Variants in GKAP1 observed in about 807,000 individuals in gnomAD.
GKAP1 encodes G kinase anchoring protein 1, also known as G kinase-anchoring protein 1.
Under a neutral mutation model 56.7 loss-of-function variants are expected in GKAP1, and 31 were observed. That is an observed-to-expected ratio of 0.55 (90% CI 0.41 to 0.74). The LOEUF (loss-of-function observed/expected upper bound fraction) is 0.74. Among genes scored for constraint, GKAP1 ranks in the 30% least tolerant of loss-of-function variants. The probability of loss-of-function intolerance (pLI) is 0.00; values close to 1 mark genes in which losing one functional copy is unlikely to be tolerated. For missense variants in GKAP1, 364 were observed against 402.3 expected (o/e 0.90, Z 0.82); for synonymous variants, 151 against 138.6 (o/e 1.09, Z -0.63).
intron 8 of GKAP1, among the ~76,000 whole-genome samples, chr9:83,756,644 T>C (rs1460965018): frequency 6.6e-6 from 1 of 152,142 alleles, no homozygotes; most frequent in Non-Finnish European, 1.5e-5. Context: ...AGTAGTTTTC[T>C]CTAGGTGAAT....
rs1409464197 is a variant in GKAP1 at position 83,804,832 on chromosome 9, TC to T, written c.216+1469del. Among the ~76,000 whole-genome samples, 5 of 83,490 alleles carry T rather than the reference TC, an allele frequency of 6.0e-5. 1 individual carries two copies. Among genetic ancestry groups the T allele is most frequent in the Non-Finnish European group, 1.1e-4 (5 of 45,726 alleles). 54.8% of individuals were successfully genotyped at this position (83,490 alleles called of 152,430 possible). On this transcript the variant is annotated intron_variant, in intron 3 of 12. Transcript: ENST00000376371. ...CCCCTCTGCCTGGTCAGCCGCCCCG[TC>T]CGGGAGGGAGGTGGGGGGTCAGCCC...
chr9:83,791,903 G>T (rs1429180312), intron 4 of GKAP1, among the ~76,000 whole-genome samples: 1 of 152,142 alleles, frequency 6.6e-6, no homozygotes, highest in Non-Finnish European at 1.5e-5. Flanking sequence ...GGCAGAAATA[G>T]AACTGCAGGA....
intron 3 of GKAP1, among the ~76,000 whole-genome samples, chr9:83,804,530 G>C (rs868215239): frequency 2.8e-5 from 2 of 71,588 alleles, no homozygotes; most frequent in East Asian, 4.5e-4. Context: ...AGGTGGGGGG[G>C]TCAGCCCCCC....
intron 6 of GKAP1, 92 bp downstream of exon 6, chr9:83,784,623 T>C: frequency 1.1e-6 from 1 of 936,612 alleles, no homozygotes; most frequent in Non-Finnish European, 1.5e-6. Context: ...AACTTTTACT[T>C]ATTGTTTAAA....
chr9:83,803,665 C>T (rs577385809), intron 3 of GKAP1, among the ~76,000 whole-genome samples: 7 of 151,912 alleles, frequency 4.6e-5, no homozygotes, highest in African/African-American at 1.2e-4. Flanking sequence ...AGCCTCTGCC[C>T]GGCCGCCACC....
At chr9:83,794,622 A>C (rs2131306033) in intron 4 of GKAP1, among the ~76,000 whole-genome samples, 1 of 152,360 alleles carries the variant, frequency 6.6e-6, no homozygotes, top group South Asian at 2.1e-4. Flanking sequence ...GAATCAATAC[A>C]GTAACAGAAG....
chr9:83,758,515 T>G (rs1367390417), intron 8 of GKAP1, among the ~76,000 whole-genome samples: 1 of 152,242 alleles, frequency 6.6e-6, no homozygotes, highest in Non-Finnish European at 1.5e-5. Context: ...GGCAGATCAC[T>G]TGAGGTCAGG....
At chr9:83,745,451 T>C (rs998407310) in intron 10 of GKAP1, among the ~76,000 whole-genome samples, 7 of 152,232 alleles carry the variant, frequency 4.6e-5, no homozygotes, top group African/African-American at 1.4e-4. Flanking sequence ...AATGATCCTA[T>C]ATAAAATTCT....
At chr9:83,786,922 G>A (rs1218727184) in intron 5 of GKAP1, among the ~76,000 whole-genome samples, 4 of 152,144 alleles carry the variant, frequency 2.6e-5, no homozygotes, top group Non-Finnish European at 5.9e-5. Context: ...CTAACAGCAA[G>A]AAGTCACCTT....
intron 8 of GKAP1, among the ~76,000 whole-genome samples, chr9:83,766,444 C>T (rs1163402710): frequency 1.3e-5 from 2 of 152,128 alleles, no homozygotes; most frequent in African/African-American, 4.8e-5. Flanking sequence ...CTCACGAGTA[C>T]GTCAGGGTAG....
At chr9:83,760,258 A>G (rs967423245) in intron 8 of GKAP1, among the ~76,000 whole-genome samples, 5 of 152,330 alleles carry the variant, frequency 3.3e-5, no homozygotes, top group East Asian at 1.9e-4. Context: ...GACAAGAACT[A>G]TAAGAAACAA....
chr9:83,767,705 T>C (rs1943687991), intron 8 of GKAP1, among the ~76,000 whole-genome samples: 1 of 152,152 alleles, frequency 6.6e-6, no homozygotes, highest in Non-Finnish European at 1.5e-5. Context: ...TATTTAATTT[T>C]GAAACACAGT....
intron 8 of GKAP1, among the ~76,000 whole-genome samples, chr9:83,764,410 T>C (rs1047832765): frequency 2.0e-5 from 3 of 152,192 alleles, no homozygotes; most frequent in Non-Finnish European, 2.9e-5. Flanking sequence ...TCCTGAGGCC[T>C]CGCTAGCCAT....
chr9:83,804,209 G>A (rs1169204356), intron 3 of GKAP1, among the ~76,000 whole-genome samples: 1 of 146,472 alleles, frequency 6.8e-6, no homozygotes, highest in Non-Finnish European at 1.5e-5. Flanking sequence ...GAAGTGAGGA[G>A]CCCCTCTGCC....
In GKAP1 at chr9:83,806,464, C is replaced by A. The variant is rs1395876113; in HGVS notation, c.54G>T (p.Leu18=). The A allele has an allele frequency of 1.9e-6, 3 of 1,613,986 alleles. No individual in the cohort carries two copies. Among genetic ancestry groups the A allele is most frequent in the Non-Finnish European group, 8.5e-7 (1 of 1,180,012 alleles). The change falls in exon 3 of 13, where the codon CTG becomes CTT. Residue 18 remains leucine, a synonymous_variant. Coordinates refer to ENST00000376371, the MANE Select transcript of GKAP1 (RefSeq NM_025211.4). ...SVPTTASRFA[L]LQVDSGSGSD... Reference sequence around the variant, plus strand: ...AGCCACTGCCACTATCCACTTGTAACAGGGCAAAACGAGAAGCGGTGGTGG... The same window carrying A: ...AGCCACTGCCACTATCCACTTGTAAAAGGGCAAAACGAGAAGCGGTGGTGG...
At position 83,793,090 on chromosome 9, in the gene GKAP1, A is replaced by G. The variant is rs575158141; in HGVS notation, c.361-4412T>C. On this transcript the variant is annotated intron_variant, in intron 4 of 12. Transcript: ENST00000376371. Reference sequence around the variant, plus strand: ...ATCAGTTAAAGAGTATGAAGAACCAATGAAAAACCTAAAGGACAGTAAATA... The same window carrying G: ...ATCAGTTAAAGAGTATGAAGAACCAGTGAAAAACCTAAAGGACAGTAAATA... The G allele has an allele frequency of 1.8e-4, 125 of 679,042 alleles. 1 individual carries two copies. In the South Asian group the frequency reaches 2.1e-3, roughly 12 times the overall value. 42.1% of individuals were successfully genotyped at this position (679,042 alleles called of 1,614,324 possible).
intron 3 of GKAP1, among the ~76,000 whole-genome samples, chr9:83,802,991 C>T (rs1288504464): frequency 6.6e-6 from 1 of 151,932 alleles, no homozygotes; most frequent in Non-Finnish European, 1.5e-5. Flanking sequence ...TGCCTGTGGT[C>T]CCAGTTGCTT....
intron 12 of GKAP1, among the ~76,000 whole-genome samples, chr9:83,741,459 A>G (rs1368366977): frequency 6.6e-6 from 1 of 152,082 alleles, no homozygotes; most frequent in African/African-American, 2.4e-5. Context: ...GTAAATGCAG[A>G]AGAAATGATA....
chr9:83,759,271 A>AT (rs1564192665), intron 8 of GKAP1, among the ~76,000 whole-genome samples: 1 of 151,744 alleles, frequency 6.6e-6, no homozygotes, highest in Non-Finnish European at 1.5e-5. Flanking sequence ...ATTTTTATTT[A>AT]TTTTTTTGAG....
Sources: gnomAD v4.1 joint callset for allele counts (sites outside exome capture counted in the v4.1 genomes callset) on GRCh38, gnomAD v4.1.1 for gene constraint, MANE v1.5 for transcripts, NCBI Gene and HGNC (gene_info 2026-07-23, HGNC 2026-07-21) for gene names.